The following RNFT2 variants were observed in gnomAD, a reference collection of about 807,000 sequenced individuals.
RNFT2 encodes E3 ubiquitin-protein ligase RNFT2.
In RNFT2, 36 loss-of-function variants were observed where a neutral mutation model predicts 53.0. The ratio of observed to expected loss-of-function variants is 0.68; its 90% confidence interval spans 0.52 to 0.90. The LOEUF (loss-of-function observed/expected upper bound fraction) is 0.90. Among genes scored for constraint, RNFT2 ranks in the 40% least tolerant of loss-of-function variants. The probability of loss-of-function intolerance (pLI) is 0.00; values close to 1 mark genes in which losing one functional copy is unlikely to be tolerated. For missense variants in RNFT2, 514 were observed against 585.6 expected, an observed-to-expected ratio of 0.88 and a Z score of 1.26; for synonymous variants, 260 against 253.2, an observed-to-expected ratio of 1.03 and a Z score of -0.26.
chr12:116,761,062 T>G (rs1471581253), intron 5 of RNFT2, among the ~76,000 whole-genome samples: 1 of 152,048 alleles, frequency 6.6e-6, no homozygotes, highest in Non-Finnish European at 1.5e-5. Context: ...TCCTTCTTTC[T>G]CCCCTCCAAC....
chr12:116,749,941 G>A lies in RNFT2; in HGVS notation c.184G>A (p.Gly62Ser), dbSNP rs916895664. 1.3e-6 allele frequency: 2 copies of A among 1,572,796 alleles called. No individual in the cohort carries two copies. The highest frequency in any genetic ancestry group is 1.7e-6 in the Non-Finnish European group (2 of 1,159,044). Residue 62 changes from glycine (G) to serine (S), a missense_variant, in exon 4 of 11, where the codon GGC becomes AGC. By Grantham distance (56) the Gly-to-Ser change is moderately conservative. Transcript: ENST00000257575. The part of the protein sequence containing the change: ...EAASPPALFS[G>S]LSGSLPTSSF... ...AGCCTCCCCACCAGCGCTCTTCTCG[G>A]GCTTATCAGGCAGCCTCCCCACCAG...
chr12:116,740,812 A>C lies in RNFT2; in HGVS notation c.25-224A>C. The C allele has an allele frequency of 6.4e-6, 4 of 623,448 alleles. No individual in the cohort carries two copies. In the South Asian group the frequency reaches 7.6e-5, roughly 12 times the overall value. 38.6% of individuals were successfully genotyped at this position (623,448 alleles called of 1,614,324 possible). On this transcript the variant is annotated intron_variant, in intron 2 of 10. Coordinates refer to ENST00000257575, the MANE Select transcript of RNFT2 (RefSeq NM_001382266.1). ...AGGACTTTCTCCACCTCTGAGTCTC[A>C]TCGTCCTCCTCTGTGAAATGGGGTG... is the stretch of plus-strand genomic sequence containing the variant.
chr12:116,741,234 C>T (rs1279787263), intron 3 of RNFT2, 140 bp downstream of exon 3: 17 of 674,934 alleles, frequency 2.5e-5, no homozygotes, highest in South Asian at 3.6e-5. Context: ...AAACATTCAA[C>T]GCATAATAGC....
intron 3 of RNFT2, among the ~76,000 whole-genome samples, chr12:116,744,225 C>CAA (rs5801197): frequency 0.074 from 7,374 of 99,768 alleles, 492 homozygotes; most frequent in Non-Finnish European, 0.099. Flanking sequence ...GACTCCTCCT[C>CAA]AAAAAAAAAA....
intron 7 of RNFT2, among the ~76,000 whole-genome samples, chr12:116,780,368 G>A (rs140776745): frequency 2.0e-5 from 3 of 152,134 alleles, no homozygotes; most frequent in East Asian, 1.9e-4. Context: ...CTCATAGGGA[G>A]CATACAACCT....
At chr12:116,831,819 C>T (rs149575210) in intron 7 of RNFT2, among the ~76,000 whole-genome samples, 166 of 151,994 alleles carry the variant, frequency 1.1e-3, no homozygotes, top group African/African-American at 3.2e-3. Flanking sequence ...CCATCCCAAT[C>T]AAGATATAAA....
At position 116,763,197 on chromosome 12, in the gene RNFT2, C is replaced by T. The variant is rs560579376; in HGVS notation, c.628-3617C>T. Reference sequence around the variant, plus strand: ...TTCAGAAAAAAAAAAAAAATCTCATCAGAAAGTGGCCTAAGGATGTTAATA... The same window carrying T: ...TTCAGAAAAAAAAAAAAAATCTCATTAGAAAGTGGCCTAAGGATGTTAATA... On this transcript the variant is annotated intron_variant, in intron 5 of 10. Coordinates refer to ENST00000257575, the MANE Select transcript of RNFT2 (RefSeq NM_001382266.1). Among the ~76,000 whole-genome samples the T allele has an allele frequency of 1.5e-4, 22 of 150,468 alleles. No individual in the cohort carries two copies. The South Asian group carries it at 4.4e-3, about 30-fold the overall frequency.
intron 7 of RNFT2, among the ~76,000 whole-genome samples, chr12:116,813,213 C>T (rs931184047): frequency 1.3e-5 from 2 of 151,174 alleles, no homozygotes; most frequent in African/African-American, 4.9e-5. Flanking sequence ...CCCACCTTGG[C>T]CTCCTCCCAA....
intron 7 of RNFT2, among the ~76,000 whole-genome samples, chr12:116,811,414 C>T (rs954469952): frequency 6.7e-6 from 1 of 150,318 alleles, no homozygotes; most frequent in Non-Finnish European, 1.5e-5. Context: ...CTCACTCTGT[C>T]GCCCAGGCTG....
At chr12:116,762,194 C>T (rs552068541) in intron 5 of RNFT2, among the ~76,000 whole-genome samples, 4 of 151,974 alleles carry the variant, frequency 2.6e-5, no homozygotes, top group Admixed American at 1.3e-4. Context: ...GCCTGAACAA[C>T]GTGGTGAAAC....
chr12:116,849,381 C>T lies in RNFT2; in HGVS notation c.1268C>T (p.Ser423Leu), dbSNP rs367645340. The T allele has an allele frequency of 3.7e-5, 57 of 1,558,204 alleles. No homozygotes were observed. Among genetic ancestry groups the T allele is most frequent in the Non-Finnish European group, 4.8e-5 (56 of 1,155,738 alleles). Residue 423 changes from serine to leucine, a missense_variant, in exon 11 of 11, where the codon TCG becomes TTG. By Grantham distance (145) the Ser-to-Leu change is moderately radical (BLOSUM62 -2). Transcript: ENST00000257575. ...DRERTCPLCRSVAVDTLRCWK... is the reference protein window; with the variant it reads ...DRERTCPLCRLVAVDTLRCWK... ...GAGCGCACCTGCCCGCTCTGCCGCT[C>T]GGTCGCCGTGGACACCCTGCGCTGC...
chr12:116,842,266 TG>T (rs1198628047), intron 10 of RNFT2, among the ~76,000 whole-genome samples: 1 of 152,044 alleles, frequency 6.6e-6, no homozygotes, highest in African/African-American at 2.4e-5. Flanking sequence ...TCACCTTCAC[TG>T]TATCCTCCTT....
At chr12:116,823,331 C>T (rs1876152405) in intron 7 of RNFT2, among the ~76,000 whole-genome samples, 1 of 152,192 alleles carries the variant, frequency 6.6e-6, no homozygotes, top group Non-Finnish European at 1.5e-5. Flanking sequence ...GGATGCGCAC[C>T]TAGCTACCTG....
intron 7 of RNFT2, among the ~76,000 whole-genome samples, chr12:116,830,777 G>T (rs1289115913): frequency 6.6e-6 from 1 of 151,916 alleles, no homozygotes; most frequent in Non-Finnish European, 1.5e-5. Context: ...GGGCATGGTG[G>T]TGTGTAATCC....
At chr12:116,803,412 G>A (rs1342664552) in intron 7 of RNFT2, among the ~76,000 whole-genome samples, 3 of 151,784 alleles carry the variant, frequency 2.0e-5, no homozygotes, top group East Asian at 1.9e-4. Flanking sequence ...AATATATAAT[G>A]GGGATCTCCA....
In RNFT2 at chr12:116,740,443, CT is replaced by C; in HGVS notation, c.-54del. The C allele has an allele frequency of 6.5e-7, 1 of 1,544,104 alleles. No individual in the cohort carries two copies. Among genetic ancestry groups the C allele is most frequent in the African/African-American group, 1.4e-5 (1 of 73,288 alleles). On this transcript the variant is annotated 5_prime_UTR_variant, in exon 2 of 11. Coordinates refer to ENST00000257575, the MANE Select transcript of RNFT2 (RefSeq NM_001382266.1). ...TCTGGGATCCATTGGTCACATCCCC[CT>C]GAGGATTCCCGAATGCCTACCTCCA...
chr12:116,803,906 A>AT (rs1218739758), intron 7 of RNFT2, among the ~76,000 whole-genome samples: 7 of 152,344 alleles, frequency 4.6e-5, no homozygotes, highest in African/African-American at 1.7e-4. Flanking sequence ...TTCCACCCAC[A>AT]TTCTTTCCTT....
rs1871548000 is a variant in RNFT2 at position 116,740,371 on chromosome 12, G to T, written c.-127G>T. 5 of 887,658 alleles carry T rather than the reference G, an allele frequency of 5.6e-6. No individual in the cohort carries two copies. In the South Asian group the frequency reaches 5.8e-5, roughly 10 times the overall value. 55.0% of individuals were successfully genotyped at this position (887,658 alleles called of 1,614,324 possible). On this transcript the variant is annotated 5_prime_UTR_variant, in exon 2 of 11. Transcript: ENST00000257575. Reference sequence around the variant, plus strand: ...TTTGGAGTCTCTGGCAAGCTCCCCTGACTGTGCATCCCTCTGGAGACGAAG... The same window carrying T: ...TTTGGAGTCTCTGGCAAGCTCCCCTTACTGTGCATCCCTCTGGAGACGAAG...
chr12:116,786,971 T>C (rs1008085680), intron 7 of RNFT2, among the ~76,000 whole-genome samples: 2 of 152,106 alleles, frequency 1.3e-5, no homozygotes, highest in Non-Finnish European at 2.9e-5. Flanking sequence ...GCCTCTCTCT[T>C]ATAAGGACAC....
Sources: gnomAD v4.1 joint callset for allele counts (sites outside exome capture counted in the v4.1 genomes callset) on GRCh38, gnomAD v4.1.1 for gene constraint, MANE v1.5 for transcripts, NCBI Gene and HGNC (gene_info 2026-07-23, HGNC 2026-07-21) for gene names.